LRRTM3: variants seen among roughly 807,000 people sequenced by gnomAD.
The protein encoded by LRRTM3 is leucine-rich repeat transmembrane neuronal protein 3.
A neutral mutation model predicts 44.7 loss-of-function variants in LRRTM3; 24 were observed. The ratio of observed to expected loss-of-function variants is 0.54; its 90% confidence interval spans 0.39 to 0.76. LRRTM3 has a LOEUF of 0.76. Ranked by LOEUF, LRRTM3 falls within the 30% of genes least tolerant of loss-of-function variation. The probability of loss-of-function intolerance (pLI) is 0.00; values close to 1 mark genes in which losing one functional copy is unlikely to be tolerated. For synonymous variants in LRRTM3, 277 were observed against 278.7 expected (o/e 0.99, Z 0.06); for missense variants, 587 against 702.2 (o/e 0.84, Z 1.85).
At chr10:67,044,633 T>C (rs1589653646) in intron 2 of LRRTM3, among the ~76,000 whole-genome samples, 1 of 152,200 alleles carries the variant, frequency 6.6e-6, no homozygotes, top group Non-Finnish European at 1.5e-5. Flanking sequence ...GCTCATGTTA[T>C]ATTAAGTTTG....
intron 2 of LRRTM3, among the ~76,000 whole-genome samples, chr10:67,089,404 G>C (rs1857494622): frequency 6.6e-6 from 1 of 151,920 alleles, no homozygotes; most frequent in Non-Finnish European, 1.5e-5. Flanking sequence ...GTAGAATCAA[G>C]ATAATTAAAA....
At chr10:67,032,958 T>G (rs1853826264) in intron 2 of LRRTM3, among the ~76,000 whole-genome samples, 1 of 152,212 alleles carries the variant, frequency 6.6e-6, no homozygotes, top group Non-Finnish European at 1.5e-5. Context: ...TCAGAATGGC[T>G]GGCTTTTGAA....
chr10:67,015,940 G>A (rs1172852055), intron 2 of LRRTM3, among the ~76,000 whole-genome samples: 1 of 151,670 alleles, frequency 6.6e-6, no homozygotes, highest in Admixed American at 6.6e-5. Context: ...TGCTTCCAGT[G>A]TCTATTTTAT....
chr10:66,990,367 A>T (rs1850977927), intron 2 of LRRTM3, among the ~76,000 whole-genome samples: 1 of 152,126 alleles, frequency 6.6e-6, no homozygotes, highest in African/African-American at 2.4e-5. Context: ...AATTAACCAC[A>T]TCCTTGTTTC....
At chr10:66,967,341 T>TAG (rs1849482329) in intron 2 of LRRTM3, among the ~76,000 whole-genome samples, 1 of 141,344 alleles carries the variant, frequency 7.1e-6, no homozygotes, top group African/African-American at 2.5e-5. Flanking sequence ...GACATATATA[T>TAG]ATATAGATAG....
At chr10:67,058,820 G>C (rs1277237887) in intron 2 of LRRTM3, among the ~76,000 whole-genome samples, 1 of 152,050 alleles carries the variant, frequency 6.6e-6, no homozygotes, top group East Asian at 1.9e-4. Flanking sequence ...TGAGTTCTAG[G>C]CTGTTTTCTA....
chr10:67,092,523 A>T (rs1295714428), intron 2 of LRRTM3, among the ~76,000 whole-genome samples: 5 of 152,008 alleles, frequency 3.3e-5, no homozygotes. Context: ...TGAGAAATTC[A>T]TATGAATGTT....
chr10:67,010,060 G>GAA (rs1852224899), intron 2 of LRRTM3, among the ~76,000 whole-genome samples: 2 of 152,040 alleles, frequency 1.3e-5, no homozygotes, highest in African/African-American at 4.8e-5. Flanking sequence ...TCTGAGTCAG[G>GAA]GCTCTTTAGA....
chr10:66,957,276 T>G (rs1848839231), intron 2 of LRRTM3, among the ~76,000 whole-genome samples: 1 of 151,708 alleles, frequency 6.6e-6, no homozygotes, highest in Non-Finnish European at 1.5e-5. Context: ...TTTCCTAAAT[T>G]TACTATTTGC....
chr10:66,926,801 GATGTT>G (rs925213390), intron 1 of LRRTM3, 115 bp from the exon 2 acceptor site: 40 of 978,534 alleles, frequency 4.1e-5, no homozygotes, highest in Non-Finnish European at 5.6e-5. Flanking sequence ...GATAATATGT[GATGTT>G]AAGTGTTATT....
intron 2 of LRRTM3, among the ~76,000 whole-genome samples, chr10:66,978,345 G>A (rs1360066540): frequency 6.6e-6 from 1 of 151,194 alleles, no homozygotes; most frequent in Non-Finnish European, 1.5e-5. Context: ...GGCCAACATG[G>A]CAAAACCCTG....
chr10:67,030,370 T>G (rs1395725831), intron 2 of LRRTM3, among the ~76,000 whole-genome samples: 5 of 152,176 alleles, frequency 3.3e-5, no homozygotes, highest in African/African-American at 1.2e-4. Context: ...CCCTCTTAAT[T>G]ATAAAATTAA....
At chr10:66,935,208 A>T (rs1847627045) in intron 2 of LRRTM3, among the ~76,000 whole-genome samples, 1 of 152,136 alleles carries the variant, frequency 6.6e-6, no homozygotes, top group Non-Finnish European at 1.5e-5. Context: ...TTTAAAGGAA[A>T]CTTGTAGAAT....
chr10:67,022,682 A>G (rs1853101495), intron 2 of LRRTM3, among the ~76,000 whole-genome samples: 1 of 152,170 alleles, frequency 6.6e-6, no homozygotes, highest in Admixed American at 6.5e-5. Flanking sequence ...TCATGCCTTT[A>G]ATCCCAGCAT....
chr10:67,054,013 A>G (rs1386137932), intron 2 of LRRTM3, among the ~76,000 whole-genome samples: 1 of 152,196 alleles, frequency 6.6e-6, no homozygotes, highest in Non-Finnish European at 1.5e-5. Context: ...TATCTCTAAA[A>G]GAGCCCACTG....
rs1416632224 is a variant in LRRTM3 at position 66,986,217 on chromosome 10, G to C, written c.1536+57765G>C. Among the ~76,000 whole-genome samples, 17 of 152,240 alleles carry C rather than the reference G, an allele frequency of 1.1e-4. No individual in the cohort carries two copies. The East Asian group carries it at 3.1e-3, about 28-fold the overall frequency. On this transcript the variant is annotated intron_variant, in intron 2 of 2. Coordinates refer to ENST00000361320, the MANE Select transcript of LRRTM3 (RefSeq NM_178011.5). ...CCAGATTAATTAAAATAGCAAGACT[G>C]CTGGGCATGGTGGCTCGTACCTGTA... is the stretch of plus-strand genomic sequence containing the variant.
chr10:66,938,855 C>T (rs1196608964), intron 2 of LRRTM3, among the ~76,000 whole-genome samples: 8 of 152,232 alleles, frequency 5.3e-5, no homozygotes, highest in Non-Finnish European at 8.8e-5. Flanking sequence ...AGTCTAGCTG[C>T]GAATACACCT....
chr10:66,939,680 T>G (rs912857532), intron 2 of LRRTM3, among the ~76,000 whole-genome samples: 2 of 152,206 alleles, frequency 1.3e-5, no homozygotes, highest in Non-Finnish European at 2.9e-5. Flanking sequence ...GAAGTATCTG[T>G]CAGCCTCTGG....
At chr10:67,047,145 A>G (rs1278436345) in intron 2 of LRRTM3, among the ~76,000 whole-genome samples, 2 of 152,180 alleles carry the variant, frequency 1.3e-5, no homozygotes, top group Non-Finnish European at 2.9e-5. Context: ...TCCCATCCCA[A>G]TATATAGAAT....
Sources: gnomAD v4.1 joint callset for allele counts (sites outside exome capture counted in the v4.1 genomes callset) on GRCh38, gnomAD v4.1.1 for gene constraint, MANE v1.5 for transcripts, NCBI Gene and HGNC (gene_info 2026-07-23, HGNC 2026-07-21) for gene names.